Variants in OR3A2 observed in about 807,000 individuals in gnomAD.
OR3A2 encodes the protein olfactory receptor family 3 subfamily A member 2, also known as olfactory receptor 3A2.
For synonymous variants in OR3A2, 126 were observed against 159.3 expected (o/e 0.79, Z 1.57); for missense variants, 318 against 392.8 (o/e 0.81, Z 1.61).
At chr17:3,298,152 T>G (rs1481730231) in intron 3 of OR3A2, 1 of 152,122 alleles carries the variant, frequency 6.6e-6, no homozygotes, top group African/African-American at 2.4e-5. Context: ...TAAATAAGAA[T>G]AGGCTAGAAG....
chr17:3,285,346 G>A (rs1277038669), upstream of OR3A2, among the ~76,000 whole-genome samples: 1 of 152,140 alleles, frequency 6.6e-6, no homozygotes, highest in Non-Finnish European at 1.5e-5. Context: ...GTTTGACTTT[G>A]TACAAGCTGC....
chr17:3,380,270 G>A (rs1021750154), intron 2 of OR3A2, among the ~76,000 whole-genome samples: 7 of 152,194 alleles, frequency 4.6e-5, no homozygotes, highest in Non-Finnish European at 1.0e-4. Flanking sequence ...GTCTGAGGGA[G>A]AGCAATACAC....
chr17:3,349,419 T>C (rs2049399821), intron 2 of OR3A2, among the ~76,000 whole-genome samples: 1 of 150,802 alleles, frequency 6.6e-6, no homozygotes, highest in South Asian at 2.1e-4. Flanking sequence ...CCAACAAAGA[T>C]CAAAAGAGAC....
exon 2 of OR3A2, chr17:3,277,383 CAAAG>C (rs1408995906): frequency 1.3e-5 from 2 of 152,158 alleles, no homozygotes; most frequent in Non-Finnish European, 2.9e-5. Context: ...CAAAACAAAA[CAAAG>C]AAACAAACAA....
chr17:3,371,090 A>G (rs2049612691), intron 2 of OR3A2, among the ~76,000 whole-genome samples: 1 of 151,206 alleles, frequency 6.6e-6, no homozygotes, highest in Admixed American at 6.6e-5. Context: ...ATTCCACAAA[A>G]CCACCATTGT....
intron 2 of OR3A2, among the ~76,000 whole-genome samples, chr17:3,346,917 T>C (rs2049368983): frequency 6.6e-6 from 1 of 152,210 alleles, no homozygotes; most frequent in Non-Finnish European, 1.5e-5. Flanking sequence ...ATGCACCACA[T>C]TTTCTTTATC....
chr17:3,375,486 G>C (rs1279664885), intron 2 of OR3A2, among the ~76,000 whole-genome samples: 1 of 151,524 alleles, frequency 6.6e-6, no homozygotes, highest in African/African-American at 2.4e-5. Flanking sequence ...ATTTTTAGTA[G>C]AGATGGGGTT....
chr17:3,346,025 T>C (rs2049361574), intron 2 of OR3A2, among the ~76,000 whole-genome samples: 2 of 152,128 alleles, frequency 1.3e-5, no homozygotes, highest in African/African-American at 2.4e-5. Flanking sequence ...GCAGGCTAGG[T>C]GTTTTGTACT....
intron 2 of OR3A2, among the ~76,000 whole-genome samples, chr17:3,370,105 A>T (rs1416778895): frequency 6.6e-6 from 1 of 152,048 alleles, no homozygotes; most frequent in Non-Finnish European, 1.5e-5. Flanking sequence ...GCCCAGCCCA[A>T]TTCTTCTTTG....
chr17:3,371,746 AC>A (rs1597362826), intron 2 of OR3A2, among the ~76,000 whole-genome samples: 2 of 80,604 alleles, frequency 2.5e-5, no homozygotes, highest in Non-Finnish European at 2.5e-5. Flanking sequence ...GGGCAGAGGG[AC>A]TCCTCACTTC....
intron 2 of OR3A2, among the ~76,000 whole-genome samples, chr17:3,364,863 T>G (rs955788544): frequency 6.6e-6 from 1 of 151,978 alleles, no homozygotes; most frequent in African/African-American, 2.4e-5. Context: ...AGTGGGGAAA[T>G]TATATGTGCA....
At chr17:3,350,026 C>T (rs1196867103) in intron 2 of OR3A2, among the ~76,000 whole-genome samples, 1 of 145,198 alleles carries the variant, frequency 6.9e-6, no homozygotes, top group Non-Finnish European at 1.5e-5. Flanking sequence ...GGGACACATT[C>T]AAAGCAGTGT....
chr17:3,308,210 G>T (rs73977666), intron 3 of OR3A2, among the ~76,000 whole-genome samples: 3,492 of 152,290 alleles, frequency 0.023, 142 homozygotes, highest in African/African-American at 0.079. Context: ...CCCCCTGGAA[G>T]GTGCTAATTT....
chr17:3,279,216 A>T, intron 1 of OR3A2, 63 bp from the exon 4 acceptor site: 1 of 489,956 alleles, frequency 2.0e-6, no homozygotes, highest in Admixed American at 3.8e-5. Flanking sequence ...TGCTGAGTAG[A>T]TTACAGCTGT....
chr17:3,350,520 C>G (rs2049411429), intron 2 of OR3A2, among the ~76,000 whole-genome samples: 2 of 152,062 alleles, frequency 1.3e-5, no homozygotes, highest in Non-Finnish European at 1.5e-5. Context: ...ATAACGGGAG[C>G]TGAAATTGTG....
At chr17:3,295,897 T>C (rs531531938) in intron 3 of OR3A2, among the ~76,000 whole-genome samples, 3 of 152,248 alleles carry the variant, frequency 2.0e-5, no homozygotes, top group East Asian at 3.9e-4. Context: ...TATATAGCAT[T>C]GATACGTAAA....
intron 3 of OR3A2, among the ~76,000 whole-genome samples, chr17:3,323,743 G>T (rs1381544214): frequency 1.3e-5 from 2 of 152,066 alleles, no homozygotes; most frequent in Admixed American, 6.6e-5. Context: ...AGTCTGATGG[G>T]CTTCCCTTTG....
intron 3 of OR3A2, among the ~76,000 whole-genome samples, chr17:3,322,429 G>C (rs2049132117): frequency 6.6e-6 from 1 of 152,064 alleles, no homozygotes; most frequent in Non-Finnish European, 1.5e-5. Flanking sequence ...GAACGTGTTT[G>C]CTCTTGCTTC....
At chr17:3,375,312 T>TC (rs1326909553) in intron 2 of OR3A2, among the ~76,000 whole-genome samples, 1 of 146,456 alleles carries the variant, frequency 6.8e-6, no homozygotes, top group Non-Finnish European at 1.5e-5. Context: ...TTTTTTTTTT[T>TC]TTTTCTTTTT....
Sources: gnomAD v4.1 joint callset for allele counts (sites outside exome capture counted in the v4.1 genomes callset) on GRCh38, gnomAD v4.1.1 for gene constraint, MANE v1.5 for transcripts, NCBI Gene and HGNC (gene_info 2026-07-23, HGNC 2026-07-21) for gene names.